The following EBF3 variants were observed in gnomAD, a reference collection of about 807,000 sequenced individuals.
EBF3 encodes transcription factor COE3.
A neutral mutation model predicts 77.1 loss-of-function variants in EBF3; 18 were observed. That is an observed-to-expected ratio of 0.23 (90% CI 0.16 to 0.35). The LOEUF (loss-of-function observed/expected upper bound fraction) is 0.35. EBF3 is among the 10% of genes least tolerant of loss of function. EBF3 has a pLI of 1.00. For missense variants in EBF3, 558 were observed against 860.0 expected, an observed-to-expected ratio of 0.65 and a Z score of 4.39; for synonymous variants, 350 against 343.5, an observed-to-expected ratio of 1.02 and a Z score of -0.21.
chr10:129,857,124 T>G (rs1851308445), intron 10 of EBF3, among the ~76,000 whole-genome samples: 1 of 152,206 alleles, frequency 6.6e-6, no homozygotes, highest in Non-Finnish European at 1.5e-5. Flanking sequence ...TGGAGGCATT[T>G]TTAACTCCTG....
chr10:129,837,714 T>C lies in EBF3; in HGVS notation c.*229A>G. ...ATGTGAAAATATGAGAAAAGTTCAG[T>C]CAATAAAATGGAATTGTTCATGAAG... On this transcript the variant is annotated 3_prime_UTR_variant, in exon 17 of 17. Transcript: ENST00000440978. 1.8e-6 allele frequency: 1 copy of C among 570,804 alleles called. No homozygotes were observed. The highest frequency in any genetic ancestry group is 3.0e-5 in the East Asian group (1 of 33,666). The allele number at this position is 570,804 out of a possible 1,614,324, so 35.4% of individuals were successfully genotyped here. A position where few individuals can be genotyped will look rare whatever the true frequency, so the allele number is the denominator to read the frequency against.
intron 4 of EBF3, 121 bp downstream of exon 4, chr10:129,962,050 G>C (rs1859565448): frequency 1.1e-6 from 1 of 879,686 alleles, no homozygotes; most frequent in African/African-American, 1.7e-5. Context: ...TCATTAGCAT[G>C]TCAAGGAAAC....
intron 6 of EBF3, among the ~76,000 whole-genome samples, chr10:129,939,564 G>A (rs1009234860): frequency 6.6e-6 from 1 of 152,144 alleles, no homozygotes; most frequent in Non-Finnish European, 1.5e-5. Context: ...GCGTGGTGAG[G>A]AAACAGTTCA....
Position 129,963,853 on chromosome 10 carries a change from C to A in EBF3, c.-85G>T, listed in dbSNP as rs1859733215. ...TCGGGGCTTGGCGGCAGGCGGCTGC[C>A]CTGGCCGCCCTCGCCCTGCTCGGCG... On this transcript the variant is annotated 5_prime_UTR_variant, in exon 1 of 17. Coordinates refer to ENST00000440978, the MANE Select transcript of EBF3 (RefSeq NM_001375380.1). The surrounding 1 kb of genome is among the most constrained non-coding windows in gnomAD (Gnocchi z 7.1). 5.0e-6 allele frequency: 7 copies of A among 1,398,338 alleles called. No homozygotes were observed. Among genetic ancestry groups the A allele is most frequent in the Non-Finnish European group, 5.6e-6 (6 of 1,064,208 alleles). 86.6% of individuals were successfully genotyped at this position (1,398,338 alleles called of 1,614,324 possible). A position where few individuals can be genotyped will look rare whatever the true frequency, so the allele number is the denominator to read the frequency against.
At chr10:129,948,668 G>A (rs975279607) in intron 6 of EBF3, among the ~76,000 whole-genome samples, 8 of 152,112 alleles carry the variant, frequency 5.3e-5, no homozygotes, top group Non-Finnish European at 8.8e-5. Flanking sequence ...AGTACTCTCT[G>A]GTCATTTTTC....
chr10:129,911,482 C>G (rs1017960835), intron 6 of EBF3, among the ~76,000 whole-genome samples: 3 of 152,194 alleles, frequency 2.0e-5, no homozygotes, highest in African/African-American at 7.2e-5. Context: ...CCAATCACTT[C>G]CCTCTTCCAT....
At chr10:129,908,760 A>G (rs1012273314) in intron 6 of EBF3, among the ~76,000 whole-genome samples, 3 of 152,232 alleles carry the variant, frequency 2.0e-5, no homozygotes, top group African/African-American at 7.2e-5. Flanking sequence ...TGCCTGTCTG[A>G]GTTCAATTTC....
Position 129,956,282 on chromosome 10 carries a change from G to A in EBF3, c.554+976C>T, listed in dbSNP as rs144682241. 1.5e-4 allele frequency among the ~76,000 whole-genome samples: 23 copies of A among 152,228 alleles called. No individual in the cohort carries two copies. The East Asian group carries it at 4.1e-3, about 27-fold the overall frequency. ...AAGATAACTTTGTAATGAAAGCTGC[G>A]GAAATTCAACCCCTCTTCAAAACCG... is the stretch of plus-strand genomic sequence containing the variant. On this transcript the variant is annotated intron_variant, in intron 6 of 16. Coordinates refer to ENST00000440978, the MANE Select transcript of EBF3 (RefSeq NM_001375380.1).
intron 6 of EBF3, among the ~76,000 whole-genome samples, chr10:129,920,774 TAACCATGAAG>T (rs1465632637): frequency 2.6e-5 from 4 of 152,210 alleles, no homozygotes; most frequent in Non-Finnish European, 5.9e-5. Flanking sequence ...AAGGGCCCAG[TAACCATGAAG>T]GACCATGATG....
chr10:129,900,239 CAG>C (rs2134240133), intron 6 of EBF3, among the ~76,000 whole-genome samples: 1 of 152,336 alleles, frequency 6.6e-6, no homozygotes, highest in South Asian at 2.1e-4. Context: ...TCCATCCAAA[CAG>C]TGTCAGATGA....
At chr10:129,920,623 G>A (rs1252605156) in intron 6 of EBF3, among the ~76,000 whole-genome samples, 1 of 152,222 alleles carries the variant, frequency 6.6e-6, no homozygotes, top group Non-Finnish European at 1.5e-5. Flanking sequence ...GGAACGAATA[G>A]AAAGGAAGAC....
In EBF3 at chr10:129,893,190, T is replaced by C. The variant is rs1478112198; in HGVS notation, c.555-15341A>G. On this transcript the variant is annotated intron_variant, in intron 6 of 16. Coordinates refer to ENST00000440978, the MANE Select transcript of EBF3 (RefSeq NM_001375380.1). ...TGGAAATTTATACAAGGTATGCAGA[T>C]GTTTAGAGTTTGGGGTAATCAATAA... Among the ~76,000 whole-genome samples, 6 of 152,234 alleles carry C rather than the reference T, an allele frequency of 3.9e-5. No individual in the cohort carries two copies. The South Asian group carries it at 1.0e-3, about 26-fold the overall frequency.
chr10:129,893,583 A>C (rs1854164995), intron 6 of EBF3, among the ~76,000 whole-genome samples: 1 of 152,204 alleles, frequency 6.6e-6, no homozygotes. Context: ...GAAGATGAAA[A>C]AATTTGAAGA....
Position 129,848,269 on chromosome 10 carries a change from TGGTGG to T in EBF3, c.1128+118_1128+122del. On this transcript the variant is annotated intron_variant, in intron 11 of 16. Transcript: ENST00000440978. The surrounding 1 kb of genome is among the most constrained non-coding windows in gnomAD (Gnocchi z 4.4). The stretch of plus-strand genomic sequence containing the variant: ...CAGCTCCTCACACCTGTCGGCCCTG[TGGTGG>T]GCACAGAGTTTGGGGAATCTGCAAT... 1 of 1,037,698 alleles carries T rather than the reference TGGTGG, an allele frequency of 9.6e-7. No homozygotes were observed. Among genetic ancestry groups the T allele is most frequent in the Non-Finnish European group, 1.5e-6 (1 of 666,616 alleles). 64.3% of individuals were successfully genotyped at this position (1,037,698 alleles called of 1,614,324 possible). A position where few individuals can be genotyped will look rare whatever the true frequency, so the allele number is the denominator to read the frequency against.
chr10:129,946,738 G>C (rs1858255850), intron 6 of EBF3, among the ~76,000 whole-genome samples: 1 of 152,214 alleles, frequency 6.6e-6, no homozygotes, highest in Non-Finnish European at 1.5e-5. Flanking sequence ...GAGCAGGAAA[G>C]GGCAGAGTCT....
At chr10:129,867,347 C>CA (rs1235454459) in intron 9 of EBF3, 80 bp from the exon 10 acceptor site, 1 of 1,580,952 alleles carries the variant, frequency 6.3e-7, no homozygotes, top group Non-Finnish European at 8.6e-7. Context: ...ATATAATTAC[C>CA]AAAATGAGCA....
At chr10:129,877,943 A>G in intron 6 of EBF3, 94 bp from the exon 7 acceptor site, 2 of 945,540 alleles carry the variant, frequency 2.1e-6, no homozygotes, top group Non-Finnish European at 3.2e-6. Flanking sequence ...AGGAGTGGAG[A>G]CTCAACCCCA....
intron 10 of EBF3, among the ~76,000 whole-genome samples, chr10:129,856,238 T>C (rs1448417603): frequency 6.6e-6 from 1 of 152,146 alleles, no homozygotes; most frequent in African/African-American, 2.4e-5. Context: ...TTTTCAATTT[T>C]GAAAAGCCAA....
intron 6 of EBF3, among the ~76,000 whole-genome samples, chr10:129,899,513 T>C (rs1854634576): frequency 6.6e-6 from 1 of 152,136 alleles, no homozygotes; most frequent in Admixed American, 6.5e-5. Flanking sequence ...GTGGCTAAAA[T>C]GTAAATAAAT....
Sources: allele counts gnomAD v4.1 joint callset (sites outside exome capture counted in the v4.1 genomes callset), GRCh38; gene constraint gnomAD v4.1.1; non-coding constraint Gnocchi (gnomAD v3.1); transcripts MANE v1.5; gene names NCBI Gene and HGNC (gene_info 2026-07-23, HGNC 2026-07-21).